ANK3: variants seen among roughly 807,000 people sequenced by gnomAD.
The protein encoded by ANK3 is ankyrin 3.
In ANK3, 57 loss-of-function variants were observed where a neutral mutation model predicts 370.9. The observed-to-expected ratio is 0.15, with a 90% CI of 0.12 to 0.19. ANK3 has a LOEUF of 0.19. ANK3 is among the 10% of genes least tolerant of loss of function. The pLI, the probability that ANK3 is intolerant of heterozygous loss-of-function variation, is 1.00. For missense variants in ANK3, 4,439 were observed against 5,302.1 expected (o/e 0.84, Z 5.06); for synonymous variants, 1,929 against 1,946.3 (o/e 0.99, Z 0.23).
intron 2 of ANK3, among the ~76,000 whole-genome samples, chr10:60,403,257 T>C (rs1334547218): frequency 6.6e-6 from 1 of 152,170 alleles, no homozygotes; most frequent in Non-Finnish European, 1.5e-5. Context: ...TTGCTGGTGG[T>C]TTCTATTGAA....
chr10:60,223,363 T>C (rs1413946779), intron 8 of ANK3, among the ~76,000 whole-genome samples: 1 of 152,238 alleles, frequency 6.6e-6, no homozygotes, highest in Non-Finnish European at 1.5e-5. Context: ...TAGATCTCTT[T>C]ACTACTATAA....
chr10:60,716,236 T>G (rs1442914179), intron 1 of ANK3, among the ~76,000 whole-genome samples: 1 of 152,174 alleles, frequency 6.6e-6, no homozygotes, highest in African/African-American at 2.4e-5. Context: ...AAATTAACTT[T>G]CTTGCCCTCT....
intron 2 of ANK3, among the ~76,000 whole-genome samples, chr10:60,413,276 A>C (rs915787267): frequency 2.6e-5 from 4 of 152,262 alleles, no homozygotes; most frequent in Non-Finnish European, 4.4e-5. Flanking sequence ...ATAGTATACA[A>C]GTGAAGAATT....
At chr10:60,331,847 A>G (rs575943919) in intron 1 of ANK3, among the ~76,000 whole-genome samples, 63 of 152,348 alleles carry the variant, frequency 4.1e-4, no homozygotes, top group African/African-American at 1.5e-3. Context: ...TGAAGACCTG[A>G]CTTCATTCAG....
chr10:60,158,758 C>T (rs1352878426), intron 23 of ANK3, among the ~76,000 whole-genome samples: 6 of 142,850 alleles, frequency 4.2e-5, no homozygotes, highest in African/African-American at 1.6e-4. Flanking sequence ...TCACTGCAAT[C>T]TCCGCCTTCC....
chr10:60,512,455 T>A (rs2076110715), intron 2 of ANK3, among the ~76,000 whole-genome samples: 1 of 152,150 alleles, frequency 6.6e-6, no homozygotes, highest in African/African-American at 2.4e-5. Flanking sequence ...GAAAGTATCA[T>A]GATGTACATG....
chr10:60,451,715 G>A (rs1217500154), intron 2 of ANK3, among the ~76,000 whole-genome samples: 1 of 152,202 alleles, frequency 6.6e-6, no homozygotes, highest in African/African-American at 2.4e-5. Context: ...CATTATGGTA[G>A]TGCTGGGCCT....
At chr10:60,599,884 C>T (rs189398297) in intron 2 of ANK3, among the ~76,000 whole-genome samples, 5 of 152,278 alleles carry the variant, frequency 3.3e-5, no homozygotes, top group Admixed American at 2.6e-4. Flanking sequence ...TCTCTGTCCT[C>T]TCTTCTACAA....
chr10:60,433,655 A>G (rs1567037312), intron 2 of ANK3, among the ~76,000 whole-genome samples: 1 of 152,186 alleles, frequency 6.6e-6, no homozygotes, highest in East Asian at 1.9e-4. Flanking sequence ...CCTAGGGATG[A>G]CAAAGGAAGT....
At position 60,671,173 on chromosome 10, in the gene ANK3, A is replaced by G. The variant is rs148895215; in HGVS notation, c.58-55949T>C. ...AATATAAATATACCATTGCATTTGT[A>G]TTAACAATCCAACTCTGTGATCCAC... is the stretch of plus-strand genomic sequence containing the variant. On this transcript the variant is annotated intron_variant, in intron 1 of 43. Transcript: ENST00000373827. 2.0e-3 allele frequency among the ~76,000 whole-genome samples: 299 copies of G among 152,278 alleles called. 4 individuals carry two copies. The highest frequency in any genetic ancestry group is 5.6e-4 in the Non-Finnish European group (38 of 68,028).
At chr10:60,366,486 G>GGT (rs889191205) in intron 1 of ANK3, among the ~76,000 whole-genome samples, 3 of 152,162 alleles carry the variant, frequency 2.0e-5, no homozygotes, top group Admixed American at 2.0e-4. Context: ...ATCTGGTTAG[G>GGT]CTTAGACCTT....
chr10:60,528,271 G>A (rs540482991), intron 2 of ANK3, among the ~76,000 whole-genome samples: 4 of 150,988 alleles, frequency 2.6e-5, no homozygotes, highest in African/African-American at 4.9e-5. Flanking sequence ...CGAGTAGCTG[G>A]GATTACAGGC....
At chr10:60,106,468 A>G (rs2092188423) in intron 27 of ANK3, among the ~76,000 whole-genome samples, 2 of 152,182 alleles carry the variant, frequency 1.3e-5, no homozygotes, top group African/African-American at 4.8e-5. Context: ...AAAAAATTCT[A>G]TAAAGTTCCT....
In ANK3 at chr10:60,234,553, A is replaced by T. The variant is rs141153635; in HGVS notation, c.897+135T>A. The T allele has an allele frequency of 1.3e-3, 708 of 558,902 alleles. 5 individuals carry two copies. The highest frequency in any genetic ancestry group is 0.011 in the African/African-American group (603 of 53,598). The allele number at this position is 558,902 out of a possible 1,614,324, so 34.6% of individuals were successfully genotyped here. On this transcript the variant is annotated intron_variant, in intron 8 of 43. Transcript: ENST00000280772. ...ATACCATTTTAAAAAGAATAAAAGT[A>T]GCAGTCATTTTCCAAGAGACTATAA...
At chr10:60,032,225 G>A (rs1297241312) in intron 43 of ANK3, among the ~76,000 whole-genome samples, 5 of 28,604 alleles carry the variant, frequency 1.7e-4, no homozygotes, top group East Asian at 3.7e-4. Context: ...TTTTTGAGAC[G>A]AAGTCTCACT....
At chr10:60,311,259 C>G (rs982759372) in intron 1 of ANK3, among the ~76,000 whole-genome samples, 5 of 152,122 alleles carry the variant, frequency 3.3e-5, no homozygotes, top group African/African-American at 1.2e-4. Context: ...AGGAATGAAA[C>G]TTTGTCCTCA....
At chr10:60,176,559 C>T (rs1395235025) in intron 18 of ANK3, among the ~76,000 whole-genome samples, 5 of 152,058 alleles carry the variant, frequency 3.3e-5, no homozygotes, top group Admixed American at 1.3e-4. Context: ...GTCAGGAGCT[C>T]GAGATCAGCC....
In ANK3 at chr10:60,073,001, G is replaced by A; in HGVS notation, c.7880C>T (p.Thr2627Ile). 1.9e-6 allele frequency: 3 copies of A among 1,614,098 alleles called. No individual in the cohort carries two copies. The highest frequency in any genetic ancestry group is 2.5e-6 in the Non-Finnish European group (3 of 1,180,002). The change falls in exon 37 of 44, where the codon ACC becomes ATC. Residue 2627 changes from threonine (T) to isoleucine (I), a missense_variant. Transcript: ENST00000280772. ...TAGCACTTTCTCAGGGCTGCTACTGGTAGGGCTTTGAGAAGAATATTCTTT... is the reference window on the plus strand; with the variant it reads ...TAGCACTTTCTCAGGGCTGCTACTGATAGGGCTTTGAGAAGAATATTCTTT... Reference protein sequence around the residue: ...NGKEYSSQSPTSSSPEKVLLT... With the variant: ...NGKEYSSQSPISSSPEKVLLT...
At chr10:60,722,136 C>T (rs2197155) in intron 1 of ANK3, among the ~76,000 whole-genome samples, 47,335 of 151,782 alleles carry the variant, frequency 0.31, 7,687 homozygotes, top group South Asian at 0.48. Flanking sequence ...TCATACCCCT[C>T]GCACCCCACA....
Sources: allele counts gnomAD v4.1 joint callset (sites outside exome capture counted in the v4.1 genomes callset), GRCh38; gene constraint gnomAD v4.1.1; transcripts MANE v1.5; gene names NCBI Gene and HGNC (gene_info 2026-07-23, HGNC 2026-07-21).